Variants in CACNA2D4 observed in about 807,000 individuals in gnomAD.
CACNA2D4 encodes the protein voltage-dependent calcium channel subunit alpha-2/delta-4.
In CACNA2D4, 157 loss-of-function variants were observed where a neutral mutation model predicts 163.8. The observed-to-expected ratio is 0.96, with a 90% confidence interval of 0.84 to 1.09. The LOEUF (loss-of-function observed/expected upper bound fraction) is 1.09, where lower values mean the gene tolerates loss of function less well. CACNA2D4 is among the 50% of genes least tolerant of loss of function. CACNA2D4 has a pLI of 0.00. For synonymous variants in CACNA2D4, 598 were observed against 586.9 expected, an observed-to-expected ratio of 1.02 and a Z score of -0.27; for missense variants, 1,410 against 1,479.9, an observed-to-expected ratio of 0.95 and a Z score of 0.78.
chr12:1,907,729 G>A, intron 5 of CACNA2D4, 146 bp downstream of exon 5: 1 of 1,197,638 alleles, frequency 8.3e-7, no homozygotes, highest in African/African-American at 1.6e-5. Context: ...CGGCCTGGTG[G>A]GCGTGCCTGG....
chr12:1,882,984 G>A lies in CACNA2D4; in HGVS notation c.1368C>T (p.Ile456=), dbSNP rs745670628. The A allele has an allele frequency of 1.1e-4, 175 of 1,612,976 alleles. No individual in the cohort carries two copies. Among genetic ancestry groups the A allele is most frequent in the Non-Finnish European group, 1.4e-4 (162 of 1,179,578 alleles). ...TCTCCTGGGTGTCCGCCAGCGTTGAGATCTGCGTGTAGTAGCCTGCGGTGG... is the reference window on the plus strand; with the variant it reads ...TCTCCTGGGTGTCCGCCAGCGTTGAAATCTGCGTGTAGTAGCCTGCGGTGG... ...ACNNKGYYTQ[I]STLADTQENV... The change falls in exon 13 of 38, where the codon ATC becomes ATT. Residue 456 remains isoleucine (I), a synonymous_variant. Coordinates refer to ENST00000382722, the MANE Select transcript of CACNA2D4 (RefSeq NM_172364.5).
In CACNA2D4 at chr12:1,829,455, C is replaced by T. The variant is rs777421763; in HGVS notation, c.2551+11284G>A. ...TGGCCAGAAAAAGGGTCTCCGGTGGCTTCCATGGCTGTACCTGTGCTCACT... is the reference window on the plus strand; with the variant it reads ...TGGCCAGAAAAAGGGTCTCCGGTGGTTTCCATGGCTGTACCTGTGCTCACT... On this transcript the variant is annotated intron_variant, in intron 26 of 37. Coordinates refer to ENST00000382722, the MANE Select transcript of CACNA2D4 (RefSeq NM_172364.5). The surrounding 1 kb of genome is among the most constrained non-coding windows in gnomAD (Gnocchi z 4.2). Among the ~76,000 whole-genome samples the T allele has an allele frequency of 9.9e-5, 15 of 152,034 alleles. No individual in the cohort carries two copies. Among genetic ancestry groups the T allele is most frequent in the Non-Finnish European group, 2.1e-4 (14 of 67,982 alleles).
At chr12:1,860,071 T>C (rs1865489069) in intron 19 of CACNA2D4, 74 bp downstream of exon 19, 6 of 1,246,232 alleles carry the variant, frequency 4.8e-6, no homozygotes, top group Non-Finnish European at 5.8e-6. Flanking sequence ...TACCACAAAA[T>C]TGCCAACTAA....
chr12:1,891,049 G>T (rs910951141), intron 6 of CACNA2D4, among the ~76,000 whole-genome samples: 2 of 152,164 alleles, frequency 1.3e-5, no homozygotes, highest in African/African-American at 4.8e-5. Flanking sequence ...CTTCTCTGGG[G>T]ACTGAAAGCC....
chr12:1,865,264 T>C (rs1441237156), intron 18 of CACNA2D4, among the ~76,000 whole-genome samples: 1 of 152,244 alleles, frequency 6.6e-6, no homozygotes, highest in African/African-American at 2.4e-5. Context: ...ATGGTCTCGC[T>C]GTTCGTGCGG....
chr12:1,822,460 G>A (rs970768096), intron 26 of CACNA2D4, among the ~76,000 whole-genome samples: 2 of 150,542 alleles, frequency 1.3e-5, no homozygotes, highest in Non-Finnish European at 3.0e-5. Flanking sequence ...ACCACCCTGA[G>A]CCCAGCCCCA....
chr12:1,909,006 G>A lies in CACNA2D4; in HGVS notation c.486+900C>T, dbSNP rs59366525. 6.8e-3 allele frequency among the ~76,000 whole-genome samples: 1,039 copies of A among 152,158 alleles called. 21 individuals are homozygous for A. Among genetic ancestry groups the A allele is most frequent in the African/African-American group, 0.024 (990 of 41,486 alleles). On this transcript the variant is annotated intron_variant, in intron 4 of 37. Coordinates refer to ENST00000382722, the MANE Select transcript of CACNA2D4 (RefSeq NM_172364.5). ...ATACTCCCAGCCGCGTCCCTGCCCT[G>A]CTCAAGCCTTCTGCACCTGCCTTTC... is the stretch of plus-strand genomic sequence containing the variant.
intron 6 of CACNA2D4, among the ~76,000 whole-genome samples, chr12:1,904,608 G>A (rs1336342671): frequency 1.3e-5 from 2 of 151,946 alleles, no homozygotes; most frequent in Non-Finnish European, 2.9e-5. Flanking sequence ...AACCAAAGTG[G>A]GTAGATAAGG....
In CACNA2D4 at chr12:1,911,779, C is replaced by T. The variant is rs142794805; in HGVS notation, c.426+1244G>A. Among the ~76,000 whole-genome samples the T allele has an allele frequency of 2.9e-3, 441 of 152,300 alleles. 2 individuals are homozygous for T. Among genetic ancestry groups the T allele is most frequent in the African/African-American group, 9.7e-3 (402 of 41,560 alleles). ...GCTGCTCTAGTGACACAAGGACCGA[C>T]GCCTGAAGTCAGGCGAGTCTCATAC... is the stretch of plus-strand genomic sequence containing the variant. On this transcript the variant is annotated intron_variant, in intron 3 of 37. Coordinates refer to ENST00000382722, the MANE Select transcript of CACNA2D4 (RefSeq NM_172364.5).
chr12:1,812,377 A>G (rs55914411), intron 26 of CACNA2D4, among the ~76,000 whole-genome samples: 11 of 152,338 alleles, frequency 7.2e-5, no homozygotes, highest in Non-Finnish European at 1.2e-4. Flanking sequence ...GCCACCCCTG[A>G]CTTTCTGGTT....
In CACNA2D4 at chr12:1,794,051, C is replaced by T. The variant is rs192287917; in HGVS notation, c.3310-292G>A. 9.2e-5 allele frequency among the ~76,000 whole-genome samples: 14 copies of T among 152,290 alleles called. No homozygotes were observed. In the East Asian group the frequency reaches 2.7e-3, roughly 29 times the overall value. ...CTGGGAGCATCTCTGATGGGGGTTT[C>T]TGGTCCCAGCAGACCAGACTGTATG... On this transcript the variant is annotated intron_variant, in intron 37 of 37. Transcript: ENST00000382722.
In CACNA2D4 at chr12:1,828,089, C is replaced by A; in HGVS notation, c.2551+12650G>T. ...TCCCTCCCTCAGGACTGACAGGCGGCGCACCCAGGGGCTCCTCTCTCCCCA... is the reference window on the plus strand; with the variant it reads ...TCCCTCCCTCAGGACTGACAGGCGGAGCACCCAGGGGCTCCTCTCTCCCCA... On this transcript the variant is annotated intron_variant, in intron 26 of 37. Transcript: ENST00000382722. The surrounding 1 kb of genome is among the most constrained non-coding windows in gnomAD (Gnocchi z 4.2). 7.0e-7 allele frequency: 1 copy of A among 1,436,126 alleles called. No homozygotes were observed. Among genetic ancestry groups the A allele is most frequent in the Non-Finnish European group, 9.2e-7 (1 of 1,083,436 alleles). 89.0% of individuals were successfully genotyped at this position (1,436,126 alleles called of 1,614,324 possible). A position where few individuals can be genotyped will look rare whatever the true frequency, so the allele number is the denominator to read the frequency against.
At chr12:1,858,272 T>G (rs1244604149) in intron 20 of CACNA2D4, among the ~76,000 whole-genome samples, 1 of 152,234 alleles carries the variant, frequency 6.6e-6, no homozygotes, top group Non-Finnish European at 1.5e-5. Context: ...CTTTGAGCTT[T>G]GTTTAAAAAA....
chr12:1,898,848 T>C (rs1866470429), intron 6 of CACNA2D4, among the ~76,000 whole-genome samples: 1 of 152,190 alleles, frequency 6.6e-6, no homozygotes, highest in Non-Finnish European at 1.5e-5. Context: ...AAATACTGTA[T>C]GTTTCTACTT....
At position 1,907,805 on chromosome 12, in the gene CACNA2D4, T is replaced by G. The variant is rs1324354919; in HGVS notation, c.649+70A>C. On this transcript the variant is annotated intron_variant, in intron 5 of 37. Transcript: ENST00000382722. The stretch of plus-strand genomic sequence containing the variant: ...GAGTATGCCTGGTGGGTGTGCCTGG[T>G]GGGCGTGTCTGGTGGGTGTGCTAGG... The G allele has an allele frequency of 4.5e-6, 7 of 1,538,530 alleles. No individual in the cohort carries two copies. The South Asian group carries it at 8.0e-5, about 18-fold the overall frequency.
rs886693418 is a variant in CACNA2D4 at position 1,875,854 on chromosome 12, T to G, written c.1720-517A>C. The stretch of plus-strand genomic sequence containing the variant: ...TTGTACTTTGTCTTCAATGTCACTC[T>G]CAAAATGGAGTTCCCAGGACAAAAG... On this transcript the variant is annotated intron_variant, in intron 16 of 37. Coordinates refer to ENST00000382722, the MANE Select transcript of CACNA2D4 (RefSeq NM_172364.5). This position sits in a 1 kb window ranked among gnomAD's most constrained non-coding sequence, Gnocchi z 4.0. 6.6e-6 allele frequency among the ~76,000 whole-genome samples: 1 copy of G among 152,216 alleles called. No homozygotes were observed. The highest frequency in any genetic ancestry group is 1.5e-5 in the Non-Finnish European group (1 of 68,038).
chr12:1,894,864 A>G (rs1392925938), intron 6 of CACNA2D4, among the ~76,000 whole-genome samples: 2 of 152,232 alleles, frequency 1.3e-5, no homozygotes, highest in African/African-American at 2.4e-5. Flanking sequence ...CCTATTCAAC[A>G]TAGTATTCTA....
At chr12:1,911,443 A>C (rs1202510622) in intron 3 of CACNA2D4, among the ~76,000 whole-genome samples, 1 of 152,086 alleles carries the variant, frequency 6.6e-6, no homozygotes, top group African/African-American at 2.4e-5. Context: ...GGGCCAAGCC[A>C]CTAAGCCTCT....
At chr12:1,863,033 A>AT (rs1044617396) in intron 18 of CACNA2D4, among the ~76,000 whole-genome samples, 2 of 152,000 alleles carry the variant, frequency 1.3e-5, no homozygotes, top group African/African-American at 4.8e-5. Context: ...ATTTTCCCCT[A>AT]TTTTTTCTTG....
Sources: allele counts gnomAD v4.1 joint callset (sites outside exome capture counted in the v4.1 genomes callset), GRCh38; gene constraint gnomAD v4.1.1; non-coding constraint Gnocchi (gnomAD v3.1); transcripts MANE v1.5; gene names NCBI Gene and HGNC (gene_info 2026-07-23, HGNC 2026-07-21).